The following NCOR2 variants were observed in gnomAD, a reference collection of about 807,000 sequenced individuals.
The protein encoded by NCOR2 is nuclear receptor corepressor 2.
NCOR2 carries 81 observed loss-of-function variants against 262.9 expected under a neutral mutation model. That is an observed-to-expected ratio of 0.31 (90% CI 0.26 to 0.37). The LOEUF (loss-of-function observed/expected upper bound fraction) is 0.37, where lower values mean the gene tolerates loss of function less well. Among genes scored for constraint, NCOR2 ranks in the 10% least tolerant of loss-of-function variants. The pLI is 1.00. For synonymous variants in NCOR2, 1,659 were observed against 1,559.3 expected, an observed-to-expected ratio of 1.06 and a Z score of -1.51; for missense variants, 3,385 against 3,621.4, an observed-to-expected ratio of 0.93 and a Z score of 1.68.
Position 124,437,292 on chromosome 12 carries a change from C to T in NCOR2, c.882+638G>A, listed in dbSNP as rs1026563694. ...GAGAATACTCAACCCTGATCTCCTC[C>T]GGGGAATGGGTGATGGCCACGGCCG... On this transcript the variant is annotated intron_variant, in intron 8 of 46. Transcript: ENST00000405201. 4.6e-5 allele frequency among the ~76,000 whole-genome samples: 7 copies of T among 152,268 alleles called. 1 individual carries two copies. In the Middle Eastern group the frequency reaches 0.01, roughly 222 times the overall value.
At chr12:124,334,930 C>T in intron 40 of NCOR2, 1 of 721,344 alleles carries the variant, frequency 1.4e-6, no homozygotes, top group Non-Finnish European at 2.3e-6. Context: ...AGGCTCCTCC[C>T]ATGGATTAGG....
At chr12:124,450,588 C>T (rs988597304) in intron 6 of NCOR2, among the ~76,000 whole-genome samples, 5 of 152,196 alleles carry the variant, frequency 3.3e-5, no homozygotes, top group African/African-American at 1.2e-4. Context: ...GACCAGGACT[C>T]GGTTACACCA....
intron 27 of NCOR2, among the ~76,000 whole-genome samples, chr12:124,351,652 G>A (rs1354213654): frequency 1.3e-5 from 2 of 152,156 alleles, no homozygotes; most frequent in African/African-American, 2.4e-5. Flanking sequence ...ACAAGCATCA[G>A]AGTTAGAATA....
intron 37 of NCOR2, among the ~76,000 whole-genome samples, chr12:124,338,388 A>T (rs1398952001): frequency 6.6e-6 from 1 of 151,690 alleles, no homozygotes; most frequent in Admixed American, 6.6e-5. Context: ...CGTGCCTGTA[A>T]CTGCAGCTAC....
intron 22 of NCOR2, among the ~76,000 whole-genome samples, chr12:124,361,818 CA>C (rs1445555008): frequency 4.5e-5 from 4 of 89,428 alleles, no homozygotes; most frequent in African/African-American, 1.0e-4. Flanking sequence ...AACCAGGGAC[CA>C]GGGGGATTTC....
intron 1 of NCOR2, among the ~76,000 whole-genome samples, chr12:124,526,413 G>T (rs2050472056): frequency 6.6e-6 from 1 of 152,186 alleles, no homozygotes. Flanking sequence ...TGGGCCCCCA[G>T]TAGAGGCCCA....
chr12:124,461,545 C>G (rs1418626893), intron 5 of NCOR2, among the ~76,000 whole-genome samples: 1 of 152,240 alleles, frequency 6.6e-6, no homozygotes, highest in Non-Finnish European at 1.5e-5. Flanking sequence ...CACGGGAGCA[C>G]CAGACCCACG....
chr12:124,330,895 A>T, exon 44 of NCOR2: 1 of 1,580,776 alleles, frequency 6.3e-7, no homozygotes. Flanking sequence ...AGGCTGGCTG[A>T]TATCTGGAAG....
chr12:124,383,138 A>G (rs1490814367), intron 17 of NCOR2, among the ~76,000 whole-genome samples: 1 of 152,214 alleles, frequency 6.6e-6, no homozygotes, highest in Non-Finnish European at 1.5e-5. Flanking sequence ...CCGCATTCCC[A>G]GCACTCTGCA....
intron 2 of NCOR2, among the ~76,000 whole-genome samples, chr12:124,484,132 G>A (rs2047652410): frequency 6.6e-6 from 1 of 152,226 alleles, no homozygotes; most frequent in Non-Finnish European, 1.5e-5. Context: ...TACTGAGTCA[G>A]ACTCGGCATT....
intron 1 of NCOR2, among the ~76,000 whole-genome samples, chr12:124,561,618 C>T (rs926190943): frequency 3.9e-5 from 6 of 152,138 alleles, no homozygotes; most frequent in South Asian, 2.1e-4. Flanking sequence ...GCAGGGAGAA[C>T]GGACCAGCCC....
intron 11 of NCOR2, among the ~76,000 whole-genome samples, chr12:124,423,044 C>T (rs1221476938): frequency 6.6e-6 from 1 of 152,160 alleles, no homozygotes; most frequent in African/African-American, 2.4e-5. Context: ...CTCTGAGTGC[C>T]CGTGGGGCAG....
At chr12:124,437,091 T>A (rs1399297224) in intron 8 of NCOR2, among the ~76,000 whole-genome samples, 1 of 145,058 alleles carries the variant, frequency 6.9e-6, no homozygotes, top group Non-Finnish European at 1.5e-5. Flanking sequence ...ATCTCAAAAA[T>A]AAATAATAAA....
At chr12:124,462,432 T>TTCC (rs2046213418) in intron 5 of NCOR2, among the ~76,000 whole-genome samples, 1 of 152,238 alleles carries the variant, frequency 6.6e-6, no homozygotes, top group Admixed American at 6.5e-5. Context: ...GAGCTTCAGC[T>TTCC]TCCTCATCTG....
intron 28 of NCOR2, chr12:124,348,726 G>T: frequency 4.9e-6 from 1 of 204,144 alleles, no homozygotes; most frequent in Non-Finnish European, 9.9e-6. Flanking sequence ...TGGATGTGTG[G>T]CAGGCAGGAG....
At position 124,430,779 on chromosome 12, in the gene NCOR2, C is replaced by T. The variant is rs143551184; in HGVS notation, c.891G>A (p.Lys297=). The T allele has an allele frequency of 9.3e-6, 15 of 1,610,062 alleles. 1 individual carries two copies. The African/African-American group carries it at 1.7e-4, about 19-fold the overall frequency. The stretch of plus-strand genomic sequence containing the variant: ...TGAGCTGGTCATAGCGCTGGCAGAA[C>T]TTCTGCTCCTGGGAGAGCGCAGGGG... The change falls in exon 9 of 47, where the codon AAG becomes AAA. Residue 297 remains lysine, a synonymous_variant. Transcript: ENST00000405201.
chr12:124,325,419 G>C lies in NCOR2; in HGVS notation c.7528C>G (p.Leu2510Val). ...GTTCTGAGTCACTCGCTGTCGGAGA[G>C]TGTCTCGTACTGCGAGCAGAGCAGT... The change falls in exon 47 of 47, where the codon CTC (leucine) becomes GTC (valine). Residue 2510 changes from leucine (L) to valine (V), a missense_variant. Transcript: ENST00000405201. 1.5e-6 allele frequency: 2 copies of C among 1,303,084 alleles called. No homozygotes were observed. Among genetic ancestry groups the C allele is most frequent in the Non-Finnish European group, 2.0e-6 (2 of 1,016,610 alleles). 80.7% of individuals were successfully genotyped at this position (1,303,084 alleles called of 1,614,324 possible).
exon 34 of NCOR2, chr12:124,341,873 A>C: frequency 1.2e-6 from 2 of 1,611,678 alleles, no homozygotes; most frequent in Non-Finnish European, 1.7e-6. Flanking sequence ...GCGGGGCGAG[A>C]GGCCCCTCAG....
chr12:124,453,926 C>T (rs1046621629), intron 6 of NCOR2, among the ~76,000 whole-genome samples: 1 of 152,246 alleles, frequency 6.6e-6, no homozygotes, highest in Non-Finnish European at 1.5e-5. Context: ...CACAGGGATC[C>T]GTCCCTGCCG....
Sources: allele counts gnomAD v4.1 joint callset (sites outside exome capture counted in the v4.1 genomes callset), GRCh38; gene constraint gnomAD v4.1.1; transcripts MANE v1.5; gene names NCBI Gene and HGNC (gene_info 2026-07-23, HGNC 2026-07-21).